Variants in TTC23L observed in about 807,000 individuals in gnomAD.
TTC23L encodes tetratricopeptide repeat protein 23-like.
A neutral mutation model predicts 48.1 loss-of-function variants in TTC23L; 42 were observed. The observed-to-expected ratio is 0.87, with a 90% CI of 0.68 to 1.13. The LOEUF is 1.13. TTC23L is among the 50% of genes most tolerant of loss of function. The pLI, the probability that TTC23L is intolerant of heterozygous loss-of-function variation, is 0.00. For missense variants in TTC23L, 391 were observed against 421.0 expected (o/e 0.93, Z 0.62); for synonymous variants, 159 against 157.2 (o/e 1.01, Z -0.09).
At chr5:34,860,171 G>A (rs1760490151) in intron 4 of TTC23L, among the ~76,000 whole-genome samples, 1 of 151,946 alleles carries the variant, frequency 6.6e-6, no homozygotes, top group Non-Finnish European at 1.5e-5. Context: ...TCAATTCAGA[G>A]TTTCCCTTCA....
At chr5:34,864,446 A>G in exon 6 of TTC23L, 1 of 1,613,722 alleles carries the variant, frequency 6.2e-7, no homozygotes, top group Non-Finnish European at 8.5e-7. Flanking sequence ...CTGGCAGAGA[A>G]GCCTATTTCA....
the TTC23L span, chr5:34,918,549 A>G: frequency 4.4e-4 from 379 of 852,572 alleles, 1 homozygote; most frequent in African/African-American, 6.1e-3. Context: ...CTTATTTTAT[A>G]TATTCTTCAT....
chr5:34,860,391 T>C (rs1760512630), intron 4 of TTC23L, among the ~76,000 whole-genome samples: 1 of 152,234 alleles, frequency 6.6e-6, no homozygotes, highest in Admixed American at 6.5e-5. Context: ...TTACTAACTA[T>C]GTATTTCTCC....
exon 8 of TTC23L, chr5:34,869,009 C>T (rs1285258847): frequency 1.2e-6 from 2 of 1,602,930 alleles, no homozygotes; most frequent in Admixed American, 1.7e-5. Flanking sequence ...AGGCCCAGCA[C>T]AGGGGTAGGT....
At chr5:34,856,383 C>T (rs368662698) in intron 4 of TTC23L, among the ~76,000 whole-genome samples, 17 of 152,202 alleles carry the variant, frequency 1.1e-4, no homozygotes, top group Admixed American at 7.2e-4. Context: ...AACCTCCCCC[C>T]ATCCAGAACA....
intron 3 of TTC23L, among the ~76,000 whole-genome samples, chr5:34,846,734 C>T (rs1247631961): frequency 3.5e-5 from 5 of 141,864 alleles, no homozygotes; most frequent in African/African-American, 1.3e-4. Flanking sequence ...TTTCAGGATG[C>T]TATCTCTTAG....
At chr5:34,861,459 T>TAAAAAAGCATAAAA (rs1272749303) in intron 4 of TTC23L, 2 of 153,074 alleles carry the variant, frequency 1.3e-5, no homozygotes, top group Non-Finnish European at 2.9e-5. Flanking sequence ...AATGCTTTTT[T>TAAAAAAGCATAAAA]ATGGTTCTTG....
exon 3 of TTC23L, chr5:34,845,657 T>G: frequency 2.5e-6 from 4 of 1,601,202 alleles, no homozygotes; most frequent in Non-Finnish European, 2.5e-6. Flanking sequence ...GTAGCTCAGC[T>G]GATTAAGGAA....
chr5:34,918,659 T>G, the TTC23L span: 1 of 489,928 alleles, frequency 2.0e-6, no homozygotes. Context: ...TAGATTTCAT[T>G]AGGTAGATTC....
At chr5:34,867,244 G>A (rs1243233311) in intron 7 of TTC23L, 175 bp downstream of exon 7, 4 of 684,960 alleles carry the variant, frequency 5.8e-6, no homozygotes, top group Middle Eastern at 8.1e-4. Context: ...TAAATGACCA[G>A]GCCAGAGAAC....
At chr5:34,918,398 T>C in the TTC23L span, 1 of 1,595,068 alleles carries the variant, frequency 6.3e-7, no homozygotes, top group South Asian at 1.1e-5. Context: ...ATTCTCATCT[T>C]TTCTTCCAGA....
chr5:34,890,775 C>T (rs1185791244), intron 9 of TTC23L, among the ~76,000 whole-genome samples: 1 of 152,104 alleles, frequency 6.6e-6, no homozygotes, highest in Admixed American at 6.6e-5. Flanking sequence ...GACAGACTGC[C>T]TGGAGTTTTT....
intron 4 of TTC23L, among the ~76,000 whole-genome samples, chr5:34,854,028 A>G (rs376720874): frequency 2.5e-4 from 38 of 152,346 alleles, no homozygotes; most frequent in African/African-American, 8.7e-4. Context: ...TCTGAAATCA[A>G]TCCCTTCCAT....
At chr5:34,911,982 A>C in the TTC23L span, among the ~76,000 whole-genome samples, 436 of 152,366 alleles carry the variant, frequency 2.9e-3, 1 homozygote, top group African/African-American at 0.01. Context: ...AGTTGTGTGT[A>C]GAGAATTCCA....
chr5:34,907,880 A>C, the TTC23L span: 1 of 152,202 alleles, frequency 6.6e-6, no homozygotes, highest in Non-Finnish European at 1.5e-5. Context: ...AATGCTATTA[A>C]AGAAAAAAAA....
At chr5:34,905,364 C>T in the TTC23L span, 1 of 152,208 alleles carries the variant, frequency 6.6e-6, no homozygotes, top group Admixed American at 6.5e-5. Flanking sequence ...GGACTGCCTA[C>T]CCCACTGTTG....
rs577651789 is a variant in TTC23L at position 34,839,745 on chromosome 5, A to G, written c.-8+486A>G. ...GGTGGATGTTAACATTCAATAAGTA[A>G]CTGCGTTCGATTTGGGTTTGATTTA... is the stretch of plus-strand genomic sequence containing the variant. On this transcript the variant is annotated intron_variant, in intron 1 of 10. Transcript: ENST00000505624. 121 of 748,974 alleles carry G rather than the reference A, an allele frequency of 1.6e-4. No individual in the cohort carries two copies. The South Asian group carries it at 6.5e-3, about 40-fold the overall frequency. 46.4% of individuals were successfully genotyped at this position (748,974 alleles called of 1,614,324 possible).
the TTC23L span, chr5:34,920,516 G>C: frequency 2.0e-5 from 3 of 152,260 alleles, 1 homozygote; most frequent in Admixed American, 2.0e-4. Flanking sequence ...TCTATGTGCT[G>C]TAGAAACTGT....
intron 9 of TTC23L, among the ~76,000 whole-genome samples, chr5:34,890,460 A>G (rs892796297): frequency 6.6e-6 from 1 of 151,520 alleles, no homozygotes; most frequent in East Asian, 1.9e-4. Flanking sequence ...AAAAAAAAAA[A>G]AAAAAGGTTG....
Sources: allele counts gnomAD v4.1 joint callset (sites outside exome capture counted in the v4.1 genomes callset), GRCh38; gene constraint gnomAD v4.1.1; transcripts MANE v1.5; gene names NCBI Gene and HGNC (gene_info 2026-07-23, HGNC 2026-07-21).